Variants in NPEPL1 observed in about 807,000 individuals in gnomAD.
NPEPL1 encodes probable aminopeptidase NPEPL1.
NPEPL1 carries 45 observed loss-of-function variants against 52.4 expected under a neutral mutation model. That is an observed-to-expected ratio of 0.86 (90% CI 0.68 to 1.10). The LOEUF is 1.10. Among genes scored for constraint, NPEPL1 ranks in the 50% least tolerant of loss-of-function variants. NPEPL1 has a pLI of 0.00. For missense variants in NPEPL1, 696 were observed against 710.9 expected, an observed-to-expected ratio of 0.98 and a Z score of 0.24; for synonymous variants, 360 against 314.7, an observed-to-expected ratio of 1.14 and a Z score of -1.52.
chr20:58,690,008 G>A (rs912001209), upstream of NPEPL1, among the ~76,000 whole-genome samples: 4 of 152,184 alleles, frequency 2.6e-5, no homozygotes, highest in East Asian at 1.9e-4. Context: ...TGAGAGCCTC[G>A]TGGCAATCAG....
upstream of NPEPL1, chr20:58,691,885 T>G (rs1286705663): frequency 4.6e-6 from 5 of 1,076,252 alleles, no homozygotes; most frequent in East Asian, 2.6e-5. Context: ...CAATGCATCG[T>G]CATTCCCTGA....
At chr20:58,707,296 G>A (rs995402632) in intron 7 of NPEPL1, 96 bp downstream of exon 7, 72 of 1,154,038 alleles carry the variant, frequency 6.2e-5, no homozygotes, top group Non-Finnish European at 8.6e-5. Flanking sequence ...GCCCCACCAG[G>A]GTCCTACCCG....
Position 58,692,810 on chromosome 20 carries a change from CGGT to C in NPEPL1, c.-89_-87del. 1 of 973,310 alleles carries C rather than the reference CGGT, an allele frequency of 1.0e-6. No homozygotes were observed. 60.3% of individuals were successfully genotyped at this position (973,310 alleles called of 1,614,324 possible). ...CGCGGGCTGCCGGGCAGGGCCGGGG[CGGT>C]GCCGAGGCCGGGCCGGAGCGGGGCG... On this transcript the variant is annotated 5_prime_UTR_variant, in exon 1 of 12. Coordinates refer to ENST00000356091, the MANE Select transcript of NPEPL1 (RefSeq NM_024663.4). This position sits in a 1 kb window ranked among gnomAD's most constrained non-coding sequence, Gnocchi z 5.7.
chr20:58,711,918 C>T (rs994941507), intron 7 of NPEPL1, among the ~76,000 whole-genome samples: 1 of 151,944 alleles, frequency 6.6e-6, no homozygotes, highest in African/African-American at 2.4e-5. Flanking sequence ...AGCTCTACTC[C>T]ATTTGACATT....
In NPEPL1 at chr20:58,692,986, A is replaced by C; in HGVS notation, c.86A>C (p.His29Pro). ...SRPLLLLGQL[H>P]HLHRVPWSHV... The stretch of plus-strand genomic sequence containing the variant: ...CCCCTGCTGCTGCTCGGGCAGCTGC[A>C]CCACCTGCACCGCGTGCCCTGGAGC... The change falls in exon 1 of 12, where the codon CAC (histidine) becomes CCC (proline). Residue 29 changes from histidine (H) to proline (P), a missense_variant. Physicochemically the swap from His to Pro is moderately conservative, Grantham distance 77. Transcript: ENST00000356091. The surrounding 1 kb of genome is among the most constrained non-coding windows in gnomAD (Gnocchi z 5.7). 1 of 1,174,040 alleles carries C rather than the reference A, an allele frequency of 8.5e-7. No homozygotes were observed. Among genetic ancestry groups the C allele is most frequent in the Non-Finnish European group, 1.1e-6 (1 of 932,468 alleles). The allele number at this position is 1,174,040 out of a possible 1,614,324, so 72.7% of individuals were successfully genotyped here. A position where few individuals can be genotyped will look rare whatever the true frequency, so the allele number is the denominator to read the frequency against.
chr20:58,704,669 A>T (rs940308750), intron 6 of NPEPL1, among the ~76,000 whole-genome samples: 2 of 152,214 alleles, frequency 1.3e-5, no homozygotes, highest in Non-Finnish European at 2.9e-5. Context: ...CTTCCGATGT[A>T]GTCTATGGAA....
At chr20:58,714,507 A>G in intron 10 of NPEPL1, 53 bp from the exon 11 acceptor site, 1 of 1,329,662 alleles carries the variant, frequency 7.5e-7, no homozygotes, top group South Asian at 1.3e-5. Flanking sequence ...GGCAGGGTGG[A>G]GAGGGCCCGG....
chr20:58,711,672 C>G (rs1192222379), intron 7 of NPEPL1: 1 of 153,022 alleles, frequency 6.5e-6, no homozygotes, highest in East Asian at 1.9e-4. Context: ...GCAGCTCCTG[C>G]CACTGGCCAC....
rs1223463249 is a variant in NPEPL1 at position 58,714,065 on chromosome 20, C to T, written c.1274C>T (p.Ala425Val). 6.5e-6 allele frequency: 10 copies of T among 1,548,356 alleles called. No homozygotes were observed. The highest frequency in any genetic ancestry group is 8.7e-6 in the Non-Finnish European group (10 of 1,148,000). ...PELHFSEFTS[A>V]VADMKNSVAD... ...CTGCACTTCAGCGAGTTCACCTCAG[C>T]TGTGGCGGACATGAAGAACTCAGTG... The change falls in exon 10 of 12, where the codon GCT becomes GTT. Residue 425 changes from alanine (A) to valine (V), a missense_variant. Transcript: ENST00000356091.
intron 3 of NPEPL1, 27 bp downstream of exon 3, chr20:58,694,619 C>T: frequency 6.3e-7 from 1 of 1,586,388 alleles, no homozygotes; most frequent in Non-Finnish European, 8.6e-7. Flanking sequence ...GCAGACACTG[C>T]CCCTGGGCCC....
rs41310841 is a variant in NPEPL1 at position 58,707,134 on chromosome 20, G to A, written c.834G>A (p.Pro278=). ...TGTACCACCCGCAGACTACCATGCC[G>A]GGGATGAAGCGAGACTGCGGGGGTG... ...GLSIKGKTTM[P]GMKRDCGGAA... is the part of the protein sequence containing the mutation. Residue 278 remains proline (P), a synonymous_variant, in exon 7 of 12, where the codon CCG becomes CCA. Transcript: ENST00000356091. 0.031 allele frequency: 48,037 copies of A among 1,552,108 alleles called. 1,101 individuals are homozygous for A. Among genetic ancestry groups the A allele is most frequent in the East Asian group, 0.12 (4,985 of 41,144 alleles).
chr20:58,692,673 C>CCCAG (rs2084375291), upstream of NPEPL1: 1 of 342,312 alleles, frequency 2.9e-6, no homozygotes, highest in African/African-American at 2.2e-5. This position sits in a 1 kb window ranked among gnomAD's most constrained non-coding sequence, Gnocchi z 5.7. Context: ...TTCGGGCCTG[C>CCCAG]CCGGCCGGGC....
chr20:58,691,012 C>A (rs58765781), upstream of NPEPL1: 3,769 of 687,034 alleles, frequency 5.5e-3, 76 homozygotes, highest in African/African-American at 0.056. Context: ...TGGACATATT[C>A]TGCGTCTGTG....
rs1403317940 is a variant in NPEPL1, at chr20:58,713,609, A to G, written c.1125+66A>G. The G allele has an allele frequency of 6.1e-6, 9 of 1,487,090 alleles. No individual in the cohort carries two copies. The highest frequency in any genetic ancestry group is 8.1e-6 in the Non-Finnish European group (9 of 1,114,366). 92.1% of individuals were successfully genotyped at this position (1,487,090 alleles called of 1,614,324 possible). A position where few individuals can be genotyped will look rare whatever the true frequency, so the allele number is the denominator to read the frequency against. ...GGAACCCCACCCCACTCTTGACCTC[A>G]AGGTGGGGAAGGCAGCGCGTGGGGG... On this transcript the variant is annotated intron_variant, in intron 9 of 11. Transcript: ENST00000356091. This position sits in a 1 kb window ranked among gnomAD's most constrained non-coding sequence, Gnocchi z 4.6.
chr20:58,709,568 G>A (rs1167323595), intron 7 of NPEPL1, among the ~76,000 whole-genome samples: 4 of 152,176 alleles, frequency 2.6e-5, no homozygotes, highest in Non-Finnish European at 5.9e-5. Context: ...ACAGTCAAAT[G>A]CTCTCAGAGT....
At chr20:58,698,072 G>A (rs1270746495) in intron 3 of NPEPL1, among the ~76,000 whole-genome samples, 1 of 152,236 alleles carries the variant, frequency 6.6e-6, no homozygotes, top group Admixed American at 6.5e-5. Flanking sequence ...CATCTGTCTT[G>A]CAGGGTTTAT....
At position 58,693,850 on chromosome 20, in the gene NPEPL1, C is replaced by T. The variant is rs760561512; in HGVS notation, c.264C>T (p.Ser88=). Residue 88 remains serine, a synonymous_variant, in exon 2 of 12, where the codon AGC becomes AGT. Coordinates refer to ENST00000356091, the MANE Select transcript of NPEPL1 (RefSeq NM_024663.4). ...CCTGCAGGGTGAGCCGGCACAACAG[C>T]CCCTCGGCCGCCCACTTCATCACGC... ...ALPCRVSRHN[S]PSAAHFITRL... The T allele has an allele frequency of 5.6e-6, 9 of 1,613,660 alleles. No homozygotes were observed. The East Asian group carries it at 2.0e-4, about 36-fold the overall frequency.
rs746530465 is a variant in NPEPL1 at position 58,694,556 on chromosome 20, A to G, written c.471A>G (p.Gly157=). 6.2e-7 allele frequency: 1 copy of G among 1,613,868 alleles called. No individual in the cohort carries two copies. The highest frequency in any genetic ancestry group is 8.5e-7 in the Non-Finnish European group (1 of 1,179,834). ...TCACCGTGGAGTTTTTCCTGGTGGG[A>G]CAAGACAACGGGCCGGTGGAGGTGT... ...KTVTVEFFLV[G]QDNGPVEVST... is the part of the protein sequence containing the mutation. Residue 157 remains glycine, a synonymous_variant, in exon 3 of 12, where the codon GGA becomes GGG. Coordinates refer to ENST00000356091, the MANE Select transcript of NPEPL1 (RefSeq NM_024663.4).
intron 7 of NPEPL1, 89 bp from the exon 8 acceptor site, chr20:58,712,390 G>C (rs1463903906): frequency 1.2e-6 from 1 of 810,562 alleles, no homozygotes; most frequent in Non-Finnish European, 2.1e-6. Flanking sequence ...CTCTCCTGCT[G>C]TCTGTGGGTC....
Sources: gnomAD v4.1 joint callset for allele counts (sites outside exome capture counted in the v4.1 genomes callset) on GRCh38, gnomAD v4.1.1 for gene constraint, Gnocchi (gnomAD v3.1) non-coding constraint, MANE v1.5 for transcripts, NCBI Gene and HGNC (gene_info 2026-07-23, HGNC 2026-07-21) for gene names.